The following INPP4A variants were observed in gnomAD, a reference collection of about 807,000 sequenced individuals.
INPP4A encodes inositol polyphosphate-4-phosphatase type I A.
In INPP4A, 33 loss-of-function variants were observed where a neutral mutation model predicts 119.8. The ratio of observed to expected loss-of-function variants is 0.28; its 90% CI spans 0.21 to 0.37. The LOEUF (loss-of-function observed/expected upper bound fraction) is 0.37. Among genes scored for constraint, INPP4A ranks in the 10% least tolerant of loss-of-function variants. The pLI is 1.00. For synonymous variants in INPP4A, 496 were observed against 500.7 expected (o/e 0.99, Z 0.12); for missense variants, 956 against 1,289.9 (o/e 0.74, Z 3.97).
At chr2:98,582,825 T>C (rs545195026) in intron 24 of INPP4A, among the ~76,000 whole-genome samples, 7 of 150,578 alleles carry the variant, frequency 4.6e-5, no homozygotes, top group Non-Finnish European at 1.0e-4. Context: ...GATCACCTAG[T>C]GCATAAGTCA....
chr2:98,513,602 T>C (rs1685547623), intron 1 of INPP4A, among the ~76,000 whole-genome samples: 2 of 152,218 alleles, frequency 1.3e-5, no homozygotes, highest in Admixed American at 1.3e-4. Flanking sequence ...CCTTGGCTGG[T>C]GACAGACCTG....
chr2:98,565,752 C>T lies in INPP4A; in HGVS notation c.2265C>T (p.Val755=). 1 of 1,611,914 alleles carries T rather than the reference C, an allele frequency of 6.2e-7. No homozygotes were observed. The highest frequency in any genetic ancestry group is 8.5e-7 in the Non-Finnish European group (1 of 1,179,290). ...TSSASADMLP[V]ITGNRDGFNV... is the part of the protein sequence containing the mutation. ...GCGCCTCCGCAGACATGCTGCCCGT[C>T]ATCACAGGAAATCGGTAGAGTGTTG... is the stretch of plus-strand genomic sequence containing the variant. Residue 755 remains valine, a synonymous_variant, in exon 20 of 25, where the codon GTC becomes GTT. Coordinates refer to ENST00000409851, the MANE Select transcript of INPP4A (RefSeq NM_001134225.2).
chr2:98,449,630 A>T (rs1447569748), intron 1 of INPP4A, among the ~76,000 whole-genome samples: 1 of 152,218 alleles, frequency 6.6e-6, no homozygotes, highest in Non-Finnish European at 1.5e-5. Flanking sequence ...GGAGAGTGGT[A>T]TAAAAACCGA....
intron 1 of INPP4A, among the ~76,000 whole-genome samples, chr2:98,503,427 T>A (rs551960445): frequency 6.6e-6 from 1 of 152,220 alleles, no homozygotes; most frequent in Non-Finnish European, 1.5e-5. Flanking sequence ...CCTGAGTGAG[T>A]GCTTGTTGCT....
At chr2:98,559,124 G>A (rs1297802751) in intron 16 of INPP4A, among the ~76,000 whole-genome samples, 1 of 152,230 alleles carries the variant, frequency 6.6e-6, no homozygotes, top group Non-Finnish European at 1.5e-5. Context: ...ACTACAATGT[G>A]ATTTATGTGG....
At chr2:98,501,537 G>A (rs1326739758) in intron 1 of INPP4A, among the ~76,000 whole-genome samples, 2 of 151,768 alleles carry the variant, frequency 1.3e-5, no homozygotes, top group East Asian at 3.9e-4. Context: ...AACCCCCCCA[G>A]CCCCCCATTC....
intron 1 of INPP4A, among the ~76,000 whole-genome samples, chr2:98,494,188 C>G (rs1467209980): frequency 6.6e-6 from 1 of 152,138 alleles, no homozygotes; most frequent in Non-Finnish European, 1.5e-5. Context: ...CCATCAAGGG[C>G]TATGGTATCT....
At chr2:98,502,600 T>C (rs1310578549) in intron 1 of INPP4A, among the ~76,000 whole-genome samples, 1 of 152,206 alleles carries the variant, frequency 6.6e-6, no homozygotes, top group Admixed American at 6.5e-5. Flanking sequence ...ATGTAAAATT[T>C]GGAGAAAGAG....
chr2:98,552,947 C>T lies in INPP4A; in HGVS notation c.1325C>T (p.Thr442Ile). 1 of 1,611,918 alleles carries T rather than the reference C, an allele frequency of 6.2e-7. No homozygotes were observed. The highest frequency in any genetic ancestry group is 1.3e-5 in the African/African-American group (1 of 75,014). ...KDRSATGLER[T>I]LAILADKTRQ... is the part of the protein sequence containing the mutation. ...AGGTCTGCCACTGGCCTTGAGAGGA[C>T]ACTCGCCATCTTGGCAGACAAGGTA... Residue 442 changes from threonine (T) to isoleucine (I), a missense_variant, in exon 14 of 25, where the codon ACA becomes ATA. Coordinates refer to ENST00000409851, the MANE Select transcript of INPP4A (RefSeq NM_001134225.2).
intron 17 of INPP4A, among the ~76,000 whole-genome samples, chr2:98,560,131 G>A (rs1331710539): frequency 6.6e-6 from 1 of 152,192 alleles, no homozygotes; most frequent in African/African-American, 2.4e-5. Context: ...TACAGAAAAT[G>A]TGTGCTGACC....
intron 1 of INPP4A, among the ~76,000 whole-genome samples, chr2:98,458,100 TGA>T (rs1696473101): frequency 6.6e-6 from 1 of 151,726 alleles, no homozygotes; most frequent in Non-Finnish European, 1.5e-5. Flanking sequence ...ATTGCAAGCA[TGA>T]GCCATCACAC....
chr2:98,445,526 G>T (rs1279931186), intron 1 of INPP4A, among the ~76,000 whole-genome samples: 1 of 152,242 alleles, frequency 6.6e-6, no homozygotes, highest in East Asian at 1.9e-4. Context: ...TTTTCTGCCT[G>T]CCTTTAGACC....
chr2:98,561,972 A>C (rs1326682097), intron 17 of INPP4A, among the ~76,000 whole-genome samples: 1 of 152,242 alleles, frequency 6.6e-6, no homozygotes, highest in African/African-American at 2.4e-5. Context: ...TGGAGGAAAG[A>C]GACTCGGACA....
intron 1 of INPP4A, among the ~76,000 whole-genome samples, chr2:98,472,442 G>T (rs755385789): frequency 2.0e-5 from 3 of 152,246 alleles, no homozygotes; most frequent in Non-Finnish European, 2.9e-5. Context: ...GCACAGTCCA[G>T]TGGAGAAGCC....
intron 11 of INPP4A, among the ~76,000 whole-genome samples, chr2:98,544,307 G>A (rs924903680): frequency 6.6e-6 from 1 of 152,144 alleles, no homozygotes; most frequent in African/African-American, 2.4e-5. Flanking sequence ...TGAAATTTAG[G>A]GGAGGCGAAA....
intron 5 of INPP4A, among the ~76,000 whole-genome samples, chr2:98,535,454 C>T (rs1326061629): frequency 6.6e-6 from 1 of 152,196 alleles, no homozygotes; most frequent in African/African-American, 2.4e-5. Flanking sequence ...GTGTGAAACC[C>T]ATGAAATGAG....
chr2:98,516,524 G>T (rs542545629), intron 1 of INPP4A, among the ~76,000 whole-genome samples: 2 of 152,296 alleles, frequency 1.3e-5, no homozygotes, highest in African/African-American at 4.8e-5. Context: ...CCCAGGGCTG[G>T]CAGGATGTTG....
chr2:98,469,876 A>C (rs76710014), intron 1 of INPP4A, among the ~76,000 whole-genome samples: 1 of 152,138 alleles, frequency 6.6e-6, no homozygotes, highest in African/African-American at 2.4e-5. Flanking sequence ...AAATCCCCAC[A>C]TATTGGTGTT....
chr2:98,501,237 G>C (rs1047176340), intron 1 of INPP4A, among the ~76,000 whole-genome samples: 1 of 152,158 alleles, frequency 6.6e-6, no homozygotes, highest in South Asian at 2.1e-4. Context: ...GAATCGCTGA[G>C]GCAGGAGAAT....
Sources: allele counts gnomAD v4.1 joint callset (sites outside exome capture counted in the v4.1 genomes callset), GRCh38; gene constraint gnomAD v4.1.1; transcripts MANE v1.5; gene names NCBI Gene and HGNC (gene_info 2026-07-23, HGNC 2026-07-21).